GABRA5: variants seen among roughly 807,000 people sequenced by gnomAD.
GABRA5 encodes gamma-aminobutyric acid type A receptor subunit alpha5.
Under a neutral mutation model 47.3 loss-of-function variants are expected in GABRA5, and 18 were observed. The observed-to-expected ratio is 0.38, with a 90% confidence interval of 0.26 to 0.56. The LOEUF is 0.56. GABRA5 is among the 20% of genes least tolerant of loss of function. The probability of loss-of-function intolerance (pLI) is 0.71; values close to 1 mark genes in which losing one functional copy is unlikely to be tolerated. For synonymous variants in GABRA5, 237 were observed against 229.3 expected (o/e 1.03, Z -0.30); for missense variants, 365 against 599.3 (o/e 0.61, Z 4.08).
chr15:26,883,142 C>T lies in GABRA5; in HGVS notation c.209-24C>T. On this transcript the variant is annotated intron_variant, in intron 4 of 10. Transcript: ENST00000335625. This position sits in a 1 kb window ranked among gnomAD's most constrained non-coding sequence, Gnocchi z 4.8. ...ACGCGCAGGGTGGGTCGGTGCAGCC[C>T]AGGGACCTGTGTCTGTCTTTCAGAG... 6.2e-7 allele frequency: 1 copy of T among 1,608,792 alleles called. No homozygotes were observed. Among genetic ancestry groups the T allele is most frequent in the Non-Finnish European group, 8.5e-7 (1 of 1,175,182 alleles).
At chr15:26,935,742 A>C (rs1285166750) in intron 7 of GABRA5, among the ~76,000 whole-genome samples, 1 of 152,148 alleles carries the variant, frequency 6.6e-6, no homozygotes, top group African/African-American at 2.4e-5. Flanking sequence ...GACCTCTACA[A>C]GTCCCAGAGG....
intron 7 of GABRA5, among the ~76,000 whole-genome samples, chr15:26,935,844 CCT>C (rs1894226905): frequency 6.6e-6 from 1 of 152,200 alleles, no homozygotes. Flanking sequence ...GTTGTTAGCT[CCT>C]CATCGGCTGA....
At position 26,874,825 on chromosome 15, in the gene GABRA5, T is replaced by C. The variant is rs536717494; in HGVS notation, c.86+5491T>C. Among the ~76,000 whole-genome samples the C allele has an allele frequency of 1.2e-4, 19 of 152,310 alleles. No homozygotes were observed. In the East Asian group the frequency reaches 3.1e-3, roughly 25 times the overall value. On this transcript the variant is annotated intron_variant, in intron 3 of 10. Transcript: ENST00000335625. ...GTGAATGAAGCACAGAACCAGTTAATTTTTAGTTTTAACAAGAACAATTGG... is the reference window on the plus strand; with the variant it reads ...GTGAATGAAGCACAGAACCAGTTAACTTTTAGTTTTAACAAGAACAATTGG...
At chr15:26,940,532 C>T (rs145756879) in intron 9 of GABRA5, among the ~76,000 whole-genome samples, 1,557 of 148,798 alleles carry the variant, frequency 0.01, 11 homozygotes, top group South Asian at 0.027. Flanking sequence ...TTGAGCATTA[C>T]GTCGGTGCCC....
chr15:26,887,422 C>T (rs965592776), intron 6 of GABRA5, among the ~76,000 whole-genome samples: 34 of 152,214 alleles, frequency 2.2e-4, no homozygotes, highest in Non-Finnish European at 4.1e-4. Context: ...CTCTGCCTCC[C>T]GGATTCAAGT....
In GABRA5 at chr15:26,937,273, C is replaced by T; in HGVS notation, c.669C>T (p.Asn223=). The change falls in exon 8 of 11, where the codon AAC becomes AAT. Residue 223 remains asparagine (N), a synonymous_variant. Transcript: ENST00000335625. Reference sequence around the variant, plus strand: ...TGGCGGAAGATGGCTCCAGACTGAACCAGTACCACCTGATGGGGCAGACGG... The same window carrying T: ...TGGCGGAAGATGGCTCCAGACTGAATCAGTACCACCTGATGGGGCAGACGG... ...VVVAEDGSRL[N]QYHLMGQTVG... The T allele has an allele frequency of 6.2e-7, 1 of 1,613,960 alleles. No individual in the cohort carries two copies. Among genetic ancestry groups the T allele is most frequent in the Non-Finnish European group, 8.5e-7 (1 of 1,179,884 alleles).
At chr15:26,879,907 G>T (rs557626079) in intron 3 of GABRA5, among the ~76,000 whole-genome samples, 1 of 152,284 alleles carries the variant, frequency 6.6e-6, no homozygotes, top group South Asian at 2.1e-4. Context: ...TTTCAGTTTG[G>T]TAAGTCCCCT....
intron 9 of GABRA5, among the ~76,000 whole-genome samples, chr15:26,940,920 G>GGC (rs1894368778): frequency 6.6e-6 from 1 of 152,198 alleles, no homozygotes; most frequent in African/African-American, 2.4e-5. Flanking sequence ...AGTCAGTCGT[G>GGC]ATCCTGGATG....
intron 1 of GABRA5, among the ~76,000 whole-genome samples, chr15:26,868,400 T>C (rs1405606074): frequency 1.3e-5 from 2 of 152,030 alleles, no homozygotes; most frequent in African/African-American, 4.8e-5. Context: ...GGGGGCTTCT[T>C]GGGAAAATGC....
chr15:26,949,177 T>A lies in GABRA5; in HGVS notation c.*944T>A, dbSNP rs1431718887. On this transcript the variant is annotated 3_prime_UTR_variant, in exon 11 of 11. Coordinates refer to ENST00000335625, the MANE Select transcript of GABRA5 (RefSeq NM_000810.4). ...TTTGTATATGAATCTTAAATGTTCA[T>A]TAAAAAATAAAAAATGAACTGATCT... 1 of 152,176 alleles carries A rather than the reference T, an allele frequency of 6.6e-6. No individual in the cohort carries two copies. Among genetic ancestry groups the A allele is most frequent in the Non-Finnish European group, 1.5e-5 (1 of 68,020 alleles). The allele number at this position is 152,176 out of a possible 1,614,324, so 9.4% of individuals were successfully genotyped here.
At chr15:26,938,836 A>G (rs116828537) in intron 8 of GABRA5, among the ~76,000 whole-genome samples, 1 of 152,320 alleles carries the variant, frequency 6.6e-6, no homozygotes, top group African/African-American at 2.4e-5. Flanking sequence ...TTCGTCTCCG[A>G]CATATGCCAT....
chr15:26,922,875 C>A (rs908590729), intron 7 of GABRA5, among the ~76,000 whole-genome samples: 1 of 152,228 alleles, frequency 6.6e-6, no homozygotes, highest in African/African-American at 2.4e-5. Flanking sequence ...ATCCTCTAGA[C>A]TCAGCTTCCC....
At chr15:26,946,866 C>G (rs1011292940) in intron 10 of GABRA5, among the ~76,000 whole-genome samples, 2 of 152,064 alleles carry the variant, frequency 1.3e-5, no homozygotes, top group Non-Finnish European at 2.9e-5. Flanking sequence ...ATTAGAAAGC[C>G]CAGGTGTCCA....
At position 26,869,266 on chromosome 15, in the gene GABRA5, C is replaced by G. The variant is rs1566860473; in HGVS notation, c.18C>G (p.Phe6Leu). 6.2e-7 allele frequency: 1 copy of G among 1,601,688 alleles called. No individual in the cohort carries two copies. Among genetic ancestry groups the G allele is most frequent in the Non-Finnish European group, 8.6e-7 (1 of 1,168,754 alleles). The change falls in exon 3 of 11, where the codon TTC (phenylalanine) becomes TTG (leucine). Residue 6 changes from phenylalanine to leucine, a missense_variant. Physicochemically the swap from Phe to Leu is conservative, Grantham distance 22. This residue lies in a region of GABRA5 where 216 missense variants were observed against 335.3 expected (regional missense o/e 0.64). Coordinates refer to ENST00000335625, the MANE Select transcript of GABRA5 (RefSeq NM_000810.4). Reference sequence around the variant, plus strand: ...TATTGGGAATGGACAATGGAATGTTCTCTGGTTTTATCATGATCAAAAACC... The same window carrying G: ...TATTGGGAATGGACAATGGAATGTTGTCTGGTTTTATCATGATCAAAAACC... MDNGM[F>L]SGFIMIKNLL...
rs373466562 is a variant in GABRA5 at position 26,940,091 on chromosome 15, A to G, written c.877+14A>G. 46 of 1,605,456 alleles carry G rather than the reference A, an allele frequency of 2.9e-5. No homozygotes were observed. The African/African-American group carries it at 4.4e-4, about 15-fold the overall frequency. On this transcript the variant is annotated intron_variant, in intron 9 of 10. Coordinates refer to ENST00000335625, the MANE Select transcript of GABRA5 (RefSeq NM_000810.4). ...GGACAGTTTTTGGTGAGTGTCCCCA[A>G]GCCAGGCCTGGACACTGGTGTTTTG...
At chr15:26,920,180 TTTGTTG>T (rs961511746) in intron 7 of GABRA5, among the ~76,000 whole-genome samples, 3 of 151,972 alleles carry the variant, frequency 2.0e-5, no homozygotes, top group East Asian at 1.9e-4. Context: ...TAAATAAGCT[TTTGTTG>T]TTGTTGTTGT....
At chr15:26,935,733 A>C (rs1894223712) in intron 7 of GABRA5, among the ~76,000 whole-genome samples, 1 of 151,668 alleles carries the variant, frequency 6.6e-6, no homozygotes, top group Non-Finnish European at 1.5e-5. Flanking sequence ...CCACCCTCAG[A>C]CCTCTACAAG....
In GABRA5 at chr15:26,883,881, G is replaced by A. The variant is rs1312094834; in HGVS notation, c.497+324G>A. ...TAAACTTAAACATCTAAGGAGGACC[G>A]GGCGTGGTGGCTCATGCCTGTACAC... is the stretch of plus-strand genomic sequence containing the variant. On this transcript the variant is annotated intron_variant, in intron 6 of 10. Coordinates refer to ENST00000335625, the MANE Select transcript of GABRA5 (RefSeq NM_000810.4). This position sits in a 1 kb window ranked among gnomAD's most constrained non-coding sequence, Gnocchi z 4.8. 1.3e-5 allele frequency among the ~76,000 whole-genome samples: 2 copies of A among 152,096 alleles called. No individual in the cohort carries two copies. The highest frequency in any genetic ancestry group is 2.4e-5 in the African/African-American group (1 of 41,420).
At chr15:26,898,711 T>C (rs150433697) in intron 6 of GABRA5, among the ~76,000 whole-genome samples, 3,082 of 149,310 alleles carry the variant, frequency 0.021, 104 homozygotes, top group African/African-American at 0.073. Context: ...TTTTCAGTTA[T>C]CTTTGGGCTT....
Sources: gnomAD v4.1 joint callset for allele counts (sites outside exome capture counted in the v4.1 genomes callset) on GRCh38, gnomAD v4.1.1 for gene constraint, gnomAD v4.1.1 regional missense constraint, Gnocchi (gnomAD v3.1) non-coding constraint, MANE v1.5 for transcripts, NCBI Gene and HGNC (gene_info 2026-07-23, HGNC 2026-07-21) for gene names.